The following SERPINB7 variants were observed in gnomAD, a reference collection of about 807,000 sequenced individuals.
SERPINB7 encodes the protein serpin B7.
SERPINB7 carries 31 observed loss-of-function variants against 37.4 expected under a neutral mutation model. The observed-to-expected ratio is 0.83, with a 90% CI of 0.62 to 1.12. The LOEUF (loss-of-function observed/expected upper bound fraction) is 1.12, where lower values mean the gene tolerates loss of function less well. Among genes scored for constraint, SERPINB7 ranks in the 50% most tolerant of loss-of-function variants. The pLI is 0.00. For synonymous variants in SERPINB7, 163 were observed against 166.1 expected, an observed-to-expected ratio of 0.98 and a Z score of 0.14; for missense variants, 521 against 455.3, an observed-to-expected ratio of 1.14 and a Z score of -1.31.
At chr18:63,782,755 T>G (rs2049314065) in intron 2 of SERPINB7, among the ~76,000 whole-genome samples, 1 of 152,212 alleles carries the variant, frequency 6.6e-6, no homozygotes, top group Non-Finnish European at 1.5e-5. Context: ...TTCCAAGTAC[T>G]GCAGCTTTGA....
intron 6 of SERPINB7, among the ~76,000 whole-genome samples, chr18:63,799,682 A>G (rs1343921443): frequency 6.6e-6 from 1 of 152,150 alleles, no homozygotes; most frequent in Non-Finnish European, 1.5e-5. Context: ...CCCAGTCCCC[A>G]TGTGTATCAG....
At chr18:63,799,459 T>C (rs991542962) in intron 6 of SERPINB7, among the ~76,000 whole-genome samples, 1 of 152,192 alleles carries the variant, frequency 6.6e-6, no homozygotes, top group Admixed American at 6.5e-5. Context: ...CATTACTATA[T>C]CATAATATTG....
At chr18:63,764,664 CAT>C (rs1412386596) in intron 1 of SERPINB7, among the ~76,000 whole-genome samples, 2 of 151,978 alleles carry the variant, frequency 1.3e-5, no homozygotes, top group African/African-American at 4.8e-5. Flanking sequence ...AAAAAATGGA[CAT>C]ATGAATGGAG....
intron 1 of SERPINB7, among the ~76,000 whole-genome samples, chr18:63,756,576 C>A (rs2049123154): frequency 1.3e-5 from 2 of 152,116 alleles, no homozygotes; most frequent in Admixed American, 1.3e-4. Flanking sequence ...AGAGTGGGCC[C>A]AGGTCTCCAC....
chr18:63,785,194 A>G, intron 2 of SERPINB7, among the ~76,000 whole-genome samples: 1 of 152,236 alleles, frequency 6.6e-6, no homozygotes, highest in African/African-American at 2.4e-5. Context: ...CTAGGAAATT[A>G]ATTTTCAGCT....
chr18:63,787,501 T>G (rs2049384363), intron 2 of SERPINB7, among the ~76,000 whole-genome samples: 1 of 152,196 alleles, frequency 6.6e-6, no homozygotes, highest in Admixed American at 6.5e-5. Flanking sequence ...GACTTCTGGA[T>G]AGTTATATAA....
upstream of SERPINB7, among the ~76,000 whole-genome samples, chr18:63,774,011 G>A (rs958070113): frequency 1.3e-5 from 2 of 152,032 alleles, no homozygotes; most frequent in Admixed American, 6.6e-5. Flanking sequence ...GAAATAGAAA[G>A]GATATGGGAT....
intron 3 of SERPINB7, 50 bp downstream of exon 3, chr18:63,792,493 G>T: frequency 7.9e-7 from 1 of 1,266,564 alleles, no homozygotes; most frequent in South Asian, 1.2e-5. Flanking sequence ...CCAGGTGCAG[G>T]GGCTCAAGCC....
chr18:63,805,251 T>C lies in SERPINB7; in HGVS notation c.*616T>C, dbSNP rs1278256737. 5 of 152,304 alleles carry C rather than the reference T, an allele frequency of 3.3e-5. No individual in the cohort carries two copies. The highest frequency in any genetic ancestry group is 1.2e-4 in the African/African-American group (5 of 41,442). 9.4% of individuals were successfully genotyped at this position (152,304 alleles called of 1,614,324 possible). ...CTTTGATAAGACAATATGTACATAG[T>C]TTTTTCAAATATTAAAGATCTTTTA... is the stretch of plus-strand genomic sequence containing the variant. On this transcript the variant is annotated 3_prime_UTR_variant, in exon 8 of 8. Coordinates refer to ENST00000398019, the MANE Select transcript of SERPINB7 (RefSeq NM_003784.4).
intron 2 of SERPINB7, among the ~76,000 whole-genome samples, chr18:63,784,032 G>A (rs1166062915): frequency 6.6e-6 from 1 of 152,064 alleles, no homozygotes; most frequent in Non-Finnish European, 1.5e-5. Context: ...ACACTTTAAT[G>A]AGATGATAGT....
rs531645913 is a variant in SERPINB7, at chr18:63,781,938, C to A, written c.-18-417C>A. Among the ~76,000 whole-genome samples the A allele has an allele frequency of 1.4e-4, 22 of 152,158 alleles. No homozygotes were observed. In the East Asian group the frequency reaches 4.1e-3, roughly 28 times the overall value. On this transcript the variant is annotated intron_variant, in intron 1 of 7. Transcript: ENST00000398019. ...AATGGGTTAAAAATGATGTGTTAAACCTCAAAAATTTAACATTGTATTGAA... is the reference window on the plus strand; with the variant it reads ...AATGGGTTAAAAATGATGTGTTAAAACTCAAAAATTTAACATTGTATTGAA...
chr18:63,796,243 G>T, intron 4 of SERPINB7, 23 bp from the exon 5 acceptor site: 1 of 1,325,392 alleles, frequency 7.5e-7, no homozygotes, highest in South Asian at 1.2e-5. Context: ...TTGTAAATAC[G>T]AGAACTATAT....
At chr18:63,773,906 A>G (rs1292532959), upstream of SERPINB7, among the ~76,000 whole-genome samples, 2 of 152,140 alleles carry the variant, frequency 1.3e-5, no homozygotes, top group African/African-American at 2.4e-5. Context: ...GGTAATTCCA[A>G]GAAGATTATC....
chr18:63,766,474 A>T (rs1793223298), intron 1 of SERPINB7, among the ~76,000 whole-genome samples: 1 of 152,168 alleles, frequency 6.6e-6, no homozygotes, highest in Non-Finnish European at 1.5e-5. Context: ...CATTCAATAA[A>T]TTGTTCGACA....
At chr18:63,755,075 A>AT (rs1337710069) in intron 1 of SERPINB7, among the ~76,000 whole-genome samples, 93 of 148,242 alleles carry the variant, frequency 6.3e-4, no homozygotes, top group Middle Eastern at 3.5e-3. Context: ...AATTTTTTGT[A>AT]TTTTTTTTTT....
chr18:63,793,867 G>A (rs973070956), intron 4 of SERPINB7, among the ~76,000 whole-genome samples: 2 of 151,882 alleles, frequency 1.3e-5, no homozygotes, highest in Non-Finnish European at 2.9e-5. Flanking sequence ...AGTCTTAGAA[G>A]GAGATCAACA....
At chr18:63,784,072 G>A (rs999845415) in intron 2 of SERPINB7, among the ~76,000 whole-genome samples, 2 of 152,104 alleles carry the variant, frequency 1.3e-5, no homozygotes, top group African/African-American at 4.8e-5. Context: ...CTTAATCAGT[G>A]TTCAGGATCT....
At chr18:63,785,496 A>G (rs1335614597) in intron 2 of SERPINB7, among the ~76,000 whole-genome samples, 1 of 152,214 alleles carries the variant, frequency 6.6e-6, no homozygotes, top group Non-Finnish European at 1.5e-5. Flanking sequence ...TCTTAGCTCC[A>G]AAAGGAGCTC....
In SERPINB7 at chr18:63,793,159, A is replaced by T; in HGVS notation, c.220-2A>T. Reference sequence around the variant, plus strand: ...AATTTTTATACATCTTTTTAATAACAGTCAGGGCTCCAGTCTCAACTGAAA... The same window carrying T: ...AATTTTTATACATCTTTTTAATAACTGTCAGGGCTCCAGTCTCAACTGAAA... On this transcript the variant is annotated splice_acceptor_variant, in intron 3 of 7. Coordinates refer to ENST00000398019, the MANE Select transcript of SERPINB7 (RefSeq NM_003784.4). LOFTEE classifies it high-confidence loss of function. 1 of 1,489,412 alleles carries T rather than the reference A, an allele frequency of 6.7e-7. No individual in the cohort carries two copies. Among genetic ancestry groups the T allele is most frequent in the Non-Finnish European group, 9.2e-7 (1 of 1,090,558 alleles). The allele number at this position is 1,489,412 out of a possible 1,614,324, so 92.3% of individuals were successfully genotyped here. A position where few individuals can be genotyped will look rare whatever the true frequency, so the allele number is the denominator to read the frequency against.
Sources: allele counts gnomAD v4.1 joint callset (sites outside exome capture counted in the v4.1 genomes callset), GRCh38; gene constraint gnomAD v4.1.1; transcripts MANE v1.5; gene names NCBI Gene and HGNC (gene_info 2026-07-23, HGNC 2026-07-21).